The following PUM1 variants were observed in gnomAD, a reference collection of about 807,000 sequenced individuals.
PUM1 encodes the protein pumilio RNA binding family member 1.
PUM1 carries 13 observed loss-of-function variants against 131.8 expected under a neutral mutation model. The observed-to-expected ratio is 0.10, with a 90% CI of 0.06 to 0.16. The LOEUF (loss-of-function observed/expected upper bound fraction) is 0.16. PUM1 is among the 10% of genes least tolerant of loss of function. The pLI, the probability that PUM1 is intolerant of heterozygous loss-of-function variation, is 1.00. For synonymous variants in PUM1, 509 were observed against 556.5 expected, an observed-to-expected ratio of 0.91 and a Z score of 1.20; for missense variants, 961 against 1,512.4, an observed-to-expected ratio of 0.64 and a Z score of 6.05.
At chr1:30,934,536 G>C (rs1639116984) in intron 21 of PUM1, among the ~76,000 whole-genome samples, 1 of 152,142 alleles carries the variant, frequency 6.6e-6, no homozygotes, top group African/African-American at 2.4e-5. Context: ...TCCCACTTTG[G>C]AGCCTACAGG....
At chr1:30,984,413 C>G (rs149269600) in intron 7 of PUM1, among the ~76,000 whole-genome samples, 1 of 152,190 alleles carries the variant, frequency 6.6e-6, no homozygotes, top group Non-Finnish European at 1.5e-5. Flanking sequence ...CTGAGCTCTG[C>G]TAACATTTTC....
intron 14 of PUM1, among the ~76,000 whole-genome samples, chr1:30,955,216 G>C (rs953344446): frequency 3.3e-5 from 5 of 151,716 alleles, no homozygotes; most frequent in African/African-American, 1.2e-4. Context: ...GACACTTTGG[G>C]AGGCTGAGAC....
At chr1:31,051,484 G>A (rs1220711659) in intron 2 of PUM1, among the ~76,000 whole-genome samples, 1 of 152,024 alleles carries the variant, frequency 6.6e-6, no homozygotes, top group African/African-American at 2.4e-5. Context: ...TGTATTTTTT[G>A]TAGAGATGGG....
At chr1:31,011,280 T>C (rs1195118548) in intron 3 of PUM1, among the ~76,000 whole-genome samples, 1 of 152,184 alleles carries the variant, frequency 6.6e-6, no homozygotes, top group Non-Finnish European at 1.5e-5. Context: ...TGTGGAAGTA[T>C]TTTTGTATAT....
At position 30,942,006 on chromosome 1, in the gene PUM1, G is replaced by A. The variant is rs773620662; in HGVS notation, c.3112C>T (p.Leu1038Phe). The A allele has an allele frequency of 6.3e-7, 1 of 1,575,264 alleles. No individual in the cohort carries two copies. Among genetic ancestry groups the A allele is most frequent in the Non-Finnish European group, 8.7e-7 (1 of 1,155,722 alleles). ...ACTGGCAACTCCACTACCTGTACAAGCTGCTCTGTGTGCTGGTGAAGCTCC... is the reference window on the plus strand; with the variant it reads ...ACTGGCAACTCCACTACCTGTACAAACTGCTCTGTGTGCTGGTGAAGCTCC... The part of the protein sequence containing the change: ...LEELHQHTEQ[L>F]VQDQYGNYVI... The change falls in exon 19 of 22, where the codon CTT becomes TTT. Residue 1038 changes from leucine (L) to phenylalanine (F), a missense_variant. Transcript: ENST00000426105.
At chr1:30,933,385 A>G in intron 21 of PUM1, 43 bp from the exon 22 acceptor site, 1 of 1,582,306 alleles carries the variant, frequency 6.3e-7, no homozygotes, top group Non-Finnish European at 8.6e-7. Context: ...CTGAGATGAG[A>G]CTTGGGGGCA....
intron 14 of PUM1, 47 bp downstream of exon 14, chr1:30,964,627 C>A (rs763899706): frequency 1.3e-6 from 2 of 1,500,180 alleles, no homozygotes; most frequent in African/African-American, 1.4e-5. Flanking sequence ...TCATCGGTGG[C>A]AAGAGAGTTC....
At chr1:30,958,761 C>A (rs1000030164) in intron 14 of PUM1, among the ~76,000 whole-genome samples, 1 of 152,068 alleles carries the variant, frequency 6.6e-6, no homozygotes, top group African/African-American at 2.4e-5. Flanking sequence ...ATATAAACCA[C>A]AAATGAGAGT....
chr1:30,985,170 T>G (rs1641500671), intron 7 of PUM1, among the ~76,000 whole-genome samples: 1 of 152,134 alleles, frequency 6.6e-6, no homozygotes, highest in Admixed American at 6.5e-5. Flanking sequence ...CAGGTTGCTG[T>G]GGGGATTAAA....
At chr1:30,982,630 C>T (rs959289441) in intron 7 of PUM1, among the ~76,000 whole-genome samples, 1 of 152,226 alleles carries the variant, frequency 6.6e-6, no homozygotes, top group South Asian at 2.1e-4. Flanking sequence ...CAGATGTCCT[C>T]ATAAAGAGAC....
Position 31,028,819 on chromosome 1 carries a change from G to A in PUM1, c.409C>T (p.Leu137=), listed in dbSNP as rs762549804. The A allele has an allele frequency of 6.2e-7, 1 of 1,613,856 alleles. No individual in the cohort carries two copies. The highest frequency in any genetic ancestry group is 1.3e-5 in the African/African-American group (1 of 74,912). The change falls in exon 3 of 22, where the codon CTG becomes TTG. Residue 137 remains leucine (L), a synonymous_variant. Transcript: ENST00000426105. ...ACCTCTCCCATCGCTCTTCCCTCCA[G>A]AGCAAGTGCTTGAAAATCATGATTC... ...ELNHDFQALA[L]EGRAMGEQLL... is the part of the protein sequence containing the mutation.
Position 30,953,830 on chromosome 1 carries a change from C to T in PUM1, c.2475G>A (p.Met825Ile). 1.9e-6 allele frequency: 3 copies of T among 1,614,232 alleles called. No individual in the cohort carries two copies. The highest frequency in any genetic ancestry group is 1.1e-5 in the South Asian group (1 of 91,080). The change falls in exon 15 of 22, where the codon ATG becomes ATA. Residue 825 changes from methionine to isoleucine, a missense_variant. By Grantham distance (10) the Met-to-Ile change is conservative. Transcript: ENST00000426105. ...SRLRYGMSDV[M>I]PSGRSRLLED... ...CCAAAAGCCTGCTCCTGCCAGAAGG[C>T]ATGACATCAGACATTCCATATCGCA... is the stretch of plus-strand genomic sequence containing the variant.
At chr1:30,951,698 C>G (rs1247727022) in intron 16 of PUM1, among the ~76,000 whole-genome samples, 1 of 152,128 alleles carries the variant, frequency 6.6e-6, no homozygotes. Context: ...TTTCCAAAGA[C>G]AATGATACAA....
At chr1:30,958,398 T>G (rs1640258757) in intron 14 of PUM1, among the ~76,000 whole-genome samples, 1 of 152,222 alleles carries the variant, frequency 6.6e-6, no homozygotes, top group South Asian at 2.1e-4. Context: ...TCTGAAGTAA[T>G]GAACAACCAC....
At chr1:30,959,692 G>A (rs1640324504) in intron 14 of PUM1, among the ~76,000 whole-genome samples, 1 of 152,108 alleles carries the variant, frequency 6.6e-6, no homozygotes, top group African/African-American at 2.4e-5. Context: ...CAGATCATGA[G>A]GTCAGGAGAT....
At chr1:30,941,349 T>C (rs1419968229) in intron 19 of PUM1, 77 bp from the exon 20 acceptor site, 24 of 1,424,982 alleles carry the variant, frequency 1.7e-5, no homozygotes, top group Non-Finnish European at 2.3e-5. Flanking sequence ...TTATATCTAA[T>C]TAAAACCTGT....
chr1:31,016,665 T>C (rs1642830102), intron 3 of PUM1, among the ~76,000 whole-genome samples: 1 of 152,200 alleles, frequency 6.6e-6, no homozygotes, highest in Non-Finnish European at 1.5e-5. Context: ...ATTTTCTTCA[T>C]ATTTCTCTAC....
intron 17 of PUM1, among the ~76,000 whole-genome samples, chr1:30,949,859 A>C (rs1639855460): frequency 6.6e-6 from 1 of 152,214 alleles, no homozygotes; most frequent in African/African-American, 2.4e-5. Context: ...TCATGGAAAA[A>C]AAAACCACCT....
At chr1:30,945,607 G>T in intron 17 of PUM1, 124 bp from the exon 18 acceptor site, 1 of 1,022,902 alleles carries the variant, frequency 9.8e-7, no homozygotes, top group Non-Finnish European at 1.4e-6. Flanking sequence ...AAGTGGAATA[G>T]CAGCTGTGGA....
Sources: allele counts gnomAD v4.1 joint callset (sites outside exome capture counted in the v4.1 genomes callset), GRCh38; gene constraint gnomAD v4.1.1; transcripts MANE v1.5; gene names NCBI Gene and HGNC (gene_info 2026-07-23, HGNC 2026-07-21).